TTN: variants seen among roughly 807,000 people sequenced by gnomAD.
The protein encoded by TTN is connectin.
TTN carries 1,525 observed loss-of-function variants against 3,223.0 expected under a neutral mutation model. The observed-to-expected ratio is 0.47, with a 90% CI of 0.45 to 0.49. The LOEUF (loss-of-function observed/expected upper bound fraction) is 0.49, where lower values mean the gene tolerates loss of function less well. Ranked by LOEUF, TTN falls within the 20% of genes least tolerant of loss-of-function variation. TTN has a pLI of 0.00. For missense variants in TTN, 40,786 were observed against 43,424.0 expected (o/e 0.94, Z 5.40); for synonymous variants, 14,094 against 15,161.0 (o/e 0.93, Z 5.17).
intron 136 of TTN, 67 bp from the exon 137 acceptor site, chr2:178,681,517 A>G: frequency 6.7e-7 from 1 of 1,491,896 alleles, no homozygotes; most frequent in South Asian, 1.2e-5. Flanking sequence ...GCAAGAACAA[A>G]AAGTTAAGAA....
chr2:178,675,001 A>ATGACTTTGAAATGTTATT, intron 150 of TTN, 38 bp downstream of exon 150: 1 of 1,276,402 alleles, frequency 7.8e-7, no homozygotes. Flanking sequence ...TAAGACAAGG[A>ATGACTTTGAAATGTTATT]TGACTTTGAA....
Position 178,705,170 on chromosome 2 carries a change from A to T in TTN, c.29604+4T>A, listed in dbSNP as rs1250878743. 1 of 1,611,610 alleles carries T rather than the reference A, an allele frequency of 6.2e-7. No individual in the cohort carries two copies. Among genetic ancestry groups the T allele is most frequent in the Admixed American group, 1.7e-5 (1 of 59,570 alleles). On this transcript the variant is annotated splice_donor_region_variant and intron_variant, in intron 103 of 362. Coordinates refer to ENST00000589042, the MANE Select transcript of TTN (RefSeq NM_001267550.2). ...AGCATGATGCTATATATGAAGGAGC[A>T]TACCAGTCTATGTGTCTCTTCTTCT...
intron 129 of TTN, 40 bp from the exon 130 acceptor site, chr2:178,685,029 C>T (rs2070473481): frequency 6.7e-7 from 1 of 1,494,508 alleles, no homozygotes; most frequent in Non-Finnish European, 9.2e-7. Context: ...GTTTGCCTTA[C>T]ATATGAAGTG....
In TTN at chr2:178,732,289, G is replaced by A. The variant is rs372727540; in HGVS notation, c.16680C>T (p.Ala5560=). 1.2e-6 allele frequency: 2 copies of A among 1,613,312 alleles called. No homozygotes were observed. The highest frequency in any genetic ancestry group is 1.7e-6 in the Non-Finnish European group (2 of 1,179,504). Residue 5560 remains alanine, a synonymous_variant, in exon 57 of 363, where the codon GCC becomes GCT. Transcript: ENST00000589042. ...CAGTTACTTTGCAGGCTAGCTGGGT[G>A]GCATCTCCCTTCTTTAACAGCTGTG... is the stretch of plus-strand genomic sequence containing the variant. ...EPSQLLKKGD[A]TQLACKVTGT... is the part of the protein sequence containing the mutation.
intron 135 of TTN, 114 bp from the exon 136 acceptor site, chr2:178,681,852 C>A (rs2069487694): frequency 2.4e-6 from 2 of 846,864 alleles, no homozygotes; most frequent in South Asian, 4.2e-5. Context: ...ATAGCCATAG[C>A]CTATTGAAGT....
chr2:178,587,302 C>A lies in TTN; in HGVS notation c.63909G>T (p.Val21303=). ...DGGSQVTHYI[V]EKREADRKTW... ...TCTTTCTGTCTGCCTCACGTTTCTCCACGATATAATGTGTCACTTGGCTCC... is the reference window on the plus strand; with the variant it reads ...TCTTTCTGTCTGCCTCACGTTTCTCAACGATATAATGTGTCACTTGGCTCC... The change falls in exon 307 of 363, where the codon GTG becomes GTT. Residue 21303 remains valine (V), a synonymous_variant. Transcript: ENST00000589042. The A allele has an allele frequency of 1.2e-6, 2 of 1,613,016 alleles. No individual in the cohort carries two copies. The highest frequency in any genetic ancestry group is 1.7e-6 in the Non-Finnish European group (2 of 1,179,462).
At chr2:178,679,203 G>A in intron 142 of TTN, 136 bp downstream of exon 142, 1 of 855,058 alleles carries the variant, frequency 1.2e-6, no homozygotes, top group Non-Finnish European at 1.9e-6. Context: ...AACTGCTCCT[G>A]TGGCCAGTTG....
chr2:178,740,089 T>C lies in TTN; in HGVS notation c.13144A>G (p.Ser4382Gly), dbSNP rs749517898. 2 of 1,613,824 alleles carry C rather than the reference T, an allele frequency of 1.2e-6. No individual in the cohort carries two copies. Among genetic ancestry groups the C allele is most frequent in the Admixed American group, 1.7e-5 (1 of 59,990 alleles). The part of the protein sequence containing the change: ...VQGRDLLSKE[S>G]LLSGIPEEQR... ...TCTTCTGGAATACCAGAAAGCAAGC[T>C]TTCCTTAGAAAGAAGGTCCCTTCCC... Residue 4382 changes from serine (S) to glycine (G), a missense_variant, in exon 48 of 363, where the codon AGC becomes GGC. By Grantham distance (56) the Ser-to-Gly change is moderately conservative. Transcript: ENST00000589042.
In TTN at chr2:178,598,751, T is replaced by C. The variant is rs1203746856; in HGVS notation, c.56959A>G (p.Ile18987Val). Residue 18987 changes from isoleucine (I) to valine (V), a missense_variant, in exon 291 of 363, where the codon ATT becomes GTT. By Grantham distance (29) the Ile-to-Val change is conservative. Transcript: ENST00000589042. Reference protein sequence around the residue: ...PSDPATARDPIAPPGPPFPKV... With the variant: ...PSDPATARDPVAPPGPPFPKV... ...AAGGAATGGTTTCCAGGCTTACCAATTGGATCTCTAGCAGTCGCTGGGTCT... is the reference window on the plus strand; with the variant it reads ...AAGGAATGGTTTCCAGGCTTACCAACTGGATCTCTAGCAGTCGCTGGGTCT... 5 of 1,611,192 alleles carry C rather than the reference T, an allele frequency of 3.1e-6. No homozygotes were observed. Among genetic ancestry groups the C allele is most frequent in the Middle Eastern group, 1.7e-4 (1 of 6,042 alleles).
In TTN at chr2:178,804,628, T is replaced by C. The variant is rs1046340690; in HGVS notation, c.15A>G (p.Ala5=). The C allele has an allele frequency of 1.2e-6, 2 of 1,613,760 alleles. No homozygotes were observed. The highest frequency in any genetic ancestry group is 1.3e-5 in the African/African-American group (1 of 74,912). Residue 5 remains alanine (A), a synonymous_variant, in exon 2 of 363, where the codon GCA becomes GCG. Transcript: ENST00000589042. MTTQ[A]PTFTQPLQSV... ...TTTGTAACGGCTGCGTAAACGTCGG[T>C]GCTTGAGTTGTCATCTTTCTAGGCA...
rs72677245 is a variant in TTN at position 178,613,877 on chromosome 2, A to T, written c.49406T>A (p.Leu16469His). The change falls in exon 263 of 363, where the codon CTC becomes CAC. Residue 16469 changes from leucine to histidine, a missense_variant. Coordinates refer to ENST00000589042, the MANE Select transcript of TTN (RefSeq NM_001267550.2). ...PSDITKDAVT[L>H]TWCEPDDDGG... ...ATCATCATCTGGCTCACACCATGTG[A>T]GAGTCACTGCGTCTTTAGTGATATC... 6.5e-5 allele frequency: 104 copies of T among 1,611,210 alleles called. No individual in the cohort carries two copies. In the Admixed American group the frequency reaches 1.7e-3, roughly 27 times the overall value.
chr2:178,534,421 G>A lies in TTN; in HGVS notation c.102194C>T (p.Ser34065Leu), dbSNP rs769936820. ...VKERKSRMTASEALQHPWLKQ... is the reference protein window; with the variant it reads ...VKERKSRMTALEALQHPWLKQ... ...CAACCATGGGTGCTGGAGAGCCTCC[G>A]ATGCTGTCATGCGAGATTTCCTCTC... Residue 34065 changes from serine (S) to leucine (L), a missense_variant, in exon 358 of 363, where the codon TCG (serine) becomes TTG (leucine). Coordinates refer to ENST00000589042, the MANE Select transcript of TTN (RefSeq NM_001267550.2). The A allele has an allele frequency of 3.7e-6, 6 of 1,611,788 alleles. No individual in the cohort carries two copies. In the Admixed American group the frequency reaches 6.7e-5, roughly 18 times the overall value.
In TTN at chr2:178,636,934, G is replaced by T; in HGVS notation, c.40928-135C>A. The T allele has an allele frequency of 1.0e-6, 1 of 972,518 alleles. No individual in the cohort carries two copies. The highest frequency in any genetic ancestry group is 1.5e-6 in the Non-Finnish European group (1 of 689,204). 60.2% of individuals were successfully genotyped at this position (972,518 alleles called of 1,614,324 possible). The stretch of plus-strand genomic sequence containing the variant: ...AAAACTAAAGACCAGGCAATTGAAA[G>T]GCCAATTGAGTTTATACTGCCTTGT... On this transcript the variant is annotated intron_variant, in intron 224 of 362. Coordinates refer to ENST00000589042, the MANE Select transcript of TTN (RefSeq NM_001267550.2). The surrounding 1 kb of genome is among the most constrained non-coding windows in gnomAD (Gnocchi z 4.3).
In TTN at chr2:178,789,589, T is replaced by C. The variant is rs1018414647; in HGVS notation, c.1939-92A>G. 3.3e-6 allele frequency: 5 copies of C among 1,529,448 alleles called. No homozygotes were observed. In the African/African-American group the frequency reaches 5.5e-5, roughly 17 times the overall value. 94.7% of individuals were successfully genotyped at this position (1,529,448 alleles called of 1,614,324 possible). A position where few individuals can be genotyped will look rare whatever the true frequency, so the allele number is the denominator to read the frequency against. ...CCCCCTTCCTCATGGGGATGCAAGA[T>C]GGTTATTCAGGGTTAAATACACAAG... On this transcript the variant is annotated intron_variant, in intron 12 of 362. Transcript: ENST00000589042.
chr2:178,543,005 T>TAA lies in TTN; in HGVS notation c.96905-57_96905-56insTT, dbSNP rs374191138. The TAA allele has an allele frequency of 1.9e-6, 3 of 1,538,568 alleles. No homozygotes were observed. In the African/African-American group the frequency reaches 4.2e-5, roughly 21 times the overall value. ...AAGCATTATTTTTATGGTAAATTGT[T>TAA]ACGAATTCTGAATGTTTTCATTTTA... is the stretch of plus-strand genomic sequence containing the variant. On this transcript the variant is annotated intron_variant, in intron 347 of 362. Transcript: ENST00000589042.
chr2:178,574,433 C>G lies in TTN; in HGVS notation c.71699G>C (p.Arg23900Pro). 6.2e-7 allele frequency: 1 copy of G among 1,613,504 alleles called. No individual in the cohort carries two copies. Among genetic ancestry groups the G allele is most frequent in the Non-Finnish European group, 8.5e-7 (1 of 1,179,598 alleles). Residue 23900 changes from arginine (R) to proline (P), a missense_variant, in exon 326 of 363, where the codon CGG becomes CCG. Physicochemically the swap from Arg to Pro is moderately radical, Grantham distance 103. Coordinates refer to ENST00000589042, the MANE Select transcript of TTN (RefSeq NM_001267550.2). The part of the protein sequence containing the change: ...GLTDGIAYEF[R>P]VIAENMAGKS... Reference sequence around the variant, plus strand: ...GCCTGCCATGTTTTCTGCAATCACCCGGAACTCATAAGCAATACCATCTGT... The same window carrying G: ...GCCTGCCATGTTTTCTGCAATCACCGGGAACTCATAAGCAATACCATCTGT...
intron 130 of TTN, 78 bp from the exon 131 acceptor site, chr2:178,684,827 A>C (rs538473254): frequency 1.3e-6 from 2 of 1,552,272 alleles, no homozygotes; most frequent in Non-Finnish European, 1.8e-6. Context: ...TTTCTGGTTA[A>C]TGTTTAAAAA....
chr2:178,728,853 C>A, intron 65 of TTN, 38 bp downstream of exon 65: 1 of 1,570,994 alleles, frequency 6.4e-7, no homozygotes, highest in South Asian at 1.2e-5. Context: ...ATGAAACTGT[C>A]GCTATAGACT....
rs377264123 is a variant in TTN at position 178,560,670 on chromosome 2, C to T, written c.85462G>A (p.Val28488Ile). 55 of 1,613,474 alleles carry T rather than the reference C, an allele frequency of 3.4e-5. No individual in the cohort carries two copies. Among genetic ancestry groups the T allele is most frequent in the African/African-American group, 1.2e-4 (9 of 74,914 alleles). Residue 28488 changes from valine to isoleucine, a missense_variant, in exon 326 of 363, where the codon GTA becomes ATA. By Grantham distance (29) the Val-to-Ile change is conservative. Transcript: ENST00000589042. The stretch of plus-strand genomic sequence containing the variant: ...AGGTGGCTTGTTTCACGTTTTTCTA[C>T]GATGTAATAGTCGATATCTGCACCA... ...DGGADIDYYI[V>I]EKRETSHLAW...
Sources: allele counts gnomAD v4.1 joint callset, GRCh38; gene constraint gnomAD v4.1.1; non-coding constraint Gnocchi (gnomAD v3.1); transcripts MANE v1.5; gene names NCBI Gene and HGNC (gene_info 2026-07-23, HGNC 2026-07-21).